The following ADGRL2 variants were observed in gnomAD, a reference collection of about 807,000 sequenced individuals.
ADGRL2 encodes the protein calcium-independent alpha-latrotoxin receptor 2.
A neutral mutation model predicts 157.4 loss-of-function variants in ADGRL2; 44 were observed. The observed-to-expected ratio is 0.28, with a 90% CI of 0.22 to 0.36. The LOEUF is 0.36. ADGRL2 is among the 10% of genes least tolerant of loss of function. The pLI, the probability that ADGRL2 is intolerant of heterozygous loss-of-function variation, is 1.00. For missense variants in ADGRL2, 1,510 were observed against 1,768.9 expected (o/e 0.85, Z 2.63); for synonymous variants, 585 against 624.7 (o/e 0.94, Z 0.95).
At chr1:81,722,832 T>C (rs1232494317) in intron 1 of ADGRL2, 13 of 706,462 alleles carry the variant, frequency 1.8e-5, no homozygotes, top group Non-Finnish European at 3.3e-5. Flanking sequence ...CTTTTCCAGG[T>C]GGCTTTCCTG....
intron 2 of ADGRL2, among the ~76,000 whole-genome samples, chr1:81,488,515 A>C (rs1456896093): frequency 6.9e-6 from 1 of 145,146 alleles, no homozygotes; most frequent in East Asian, 2.0e-4. Flanking sequence ...AGCCTGTGCA[A>C]CATGGCAAAA....
intron 2 of ADGRL2, among the ~76,000 whole-genome samples, chr1:81,778,253 C>T (rs1004855157): frequency 8.0e-5 from 12 of 150,432 alleles, no homozygotes; most frequent in Non-Finnish European, 1.6e-4. Context: ...ACTCGGGAGG[C>T]GGAGCTTGCA....
intron 1 of ADGRL2, among the ~76,000 whole-genome samples, chr1:81,401,733 T>C (rs2076759512): frequency 6.6e-6 from 1 of 152,134 alleles, no homozygotes; most frequent in African/African-American, 2.4e-5. Context: ...CTGAAGTCAC[T>C]AAGCAGCATC....
chr1:81,408,314 C>T (rs1476405392), intron 1 of ADGRL2, among the ~76,000 whole-genome samples: 1 of 122,812 alleles, frequency 8.1e-6, no homozygotes, highest in Non-Finnish European at 1.7e-5. Context: ...ACACAGAATG[C>T]TCATTTTTTT....
chr1:81,411,804 C>T (rs1490048385), intron 1 of ADGRL2, among the ~76,000 whole-genome samples: 1 of 150,890 alleles, frequency 6.6e-6, no homozygotes, highest in Non-Finnish European at 1.5e-5. Context: ...GGCGTGAACC[C>T]GGGAGGAGGA....
intron 2 of ADGRL2, among the ~76,000 whole-genome samples, chr1:81,448,244 A>C (rs1485853787): frequency 2.1e-5 from 3 of 143,436 alleles, no homozygotes; most frequent in African/African-American, 5.2e-5. Flanking sequence ...TCCCAGGTTC[A>C]AGCGATTTCT....
chr1:81,369,913 A>C (rs2076133293), intron 1 of ADGRL2, among the ~76,000 whole-genome samples: 3 of 152,178 alleles, frequency 2.0e-5, no homozygotes, highest in African/African-American at 7.2e-5. Flanking sequence ...TGCAAACTGG[A>C]TAGCAGCTTG....
chr1:81,936,164 C>T (rs1369531370), intron 3 of ADGRL2, among the ~76,000 whole-genome samples: 1 of 151,848 alleles, frequency 6.6e-6, no homozygotes, highest in Non-Finnish European at 1.5e-5. Flanking sequence ...GTGAGCTCTA[C>T]TAGCTTAGTT....
At position 81,950,375 on chromosome 1, in the gene ADGRL2, T is replaced by C. The variant is rs751626246; in HGVS notation, c.1397T>C (p.Phe466Ser). The part of the protein sequence containing the change: ...TTKIPPITNI[F>S]PLPERFCEAL... Reference sequence around the variant, plus strand: ...AAAATTCCACCTATAACAAATATTTTTCCCCTGCCAGAGAGATTCTGTGAA... The same window carrying C: ...AAAATTCCACCTATAACAAATATTTCTCCCCTGCCAGAGAGATTCTGTGAA... Residue 466 changes from phenylalanine (F) to serine (S), a missense_variant, in exon 7 of 24, where the codon TTT becomes TCT. Physicochemically the swap from Phe to Ser is radical, Grantham distance 155. This residue lies in a region of ADGRL2 where 325 missense variants were observed against 333.2 expected (regional missense o/e 0.98). Coordinates refer to ENST00000686636, the MANE Select transcript of ADGRL2 (RefSeq NM_001366006.2). 2.7e-5 allele frequency: 43 copies of C among 1,613,780 alleles called. No individual in the cohort carries two copies. The highest frequency in any genetic ancestry group is 1.9e-4 in the South Asian group (17 of 91,076).
At chr1:81,437,135 G>A (rs1488643860) in intron 1 of ADGRL2, among the ~76,000 whole-genome samples, 1 of 152,168 alleles carries the variant, frequency 6.6e-6, no homozygotes, top group African/African-American at 2.4e-5. Flanking sequence ...TCACTATCCA[G>A]TCTATTATTT....
chr1:81,333,528 A>G (rs946802581), intron 1 of ADGRL2, among the ~76,000 whole-genome samples: 1 of 151,796 alleles, frequency 6.6e-6, no homozygotes, highest in African/African-American at 2.4e-5. Context: ...TGATTCTCCT[A>G]CCTCAGCCTC....
intron 2 of ADGRL2, among the ~76,000 whole-genome samples, chr1:81,794,456 G>A (rs2149430446): frequency 6.6e-6 from 1 of 152,198 alleles, no homozygotes; most frequent in Admixed American, 6.5e-5. Flanking sequence ...TATTATCCAG[G>A]TGATGGTTTA....
chr1:81,384,243 T>C (rs1393482415), intron 1 of ADGRL2, among the ~76,000 whole-genome samples: 6 of 152,186 alleles, frequency 3.9e-5, no homozygotes, highest in Admixed American at 2.6e-4. Flanking sequence ...CCCTTAAAAA[T>C]GAGAGAAGTC....
chr1:81,553,202 A>T (rs2148399106), intron 2 of ADGRL2, among the ~76,000 whole-genome samples: 1 of 152,324 alleles, frequency 6.6e-6, no homozygotes, highest in African/African-American at 2.4e-5. Flanking sequence ...ATTGATAAAA[A>T]ATTAAATATC....
upstream of ADGRL2, among the ~76,000 whole-genome samples, chr1:81,796,849 T>A (rs1055782062): frequency 2.6e-5 from 4 of 152,226 alleles, no homozygotes; most frequent in African/African-American, 9.6e-5. Flanking sequence ...GGAGACTGCA[T>A]CTCTACATTT....
chr1:81,326,182 G>C (rs915167843), intron 1 of ADGRL2, among the ~76,000 whole-genome samples: 1 of 152,190 alleles, frequency 6.6e-6, no homozygotes, highest in Non-Finnish European at 1.5e-5. Flanking sequence ...ATCTGAGCCA[G>C]AGATTTGAGG....
chr1:81,528,477 C>T (rs1341573567), intron 2 of ADGRL2, among the ~76,000 whole-genome samples: 3 of 152,114 alleles, frequency 2.0e-5, no homozygotes, highest in African/African-American at 7.2e-5. Context: ...GAAACCCCGT[C>T]TCTACCAAAA....
chr1:81,440,655 C>G (rs1372968123), intron 1 of ADGRL2, among the ~76,000 whole-genome samples: 1 of 152,182 alleles, frequency 6.6e-6, no homozygotes, highest in East Asian at 1.9e-4. Context: ...CTTGACACAT[C>G]AAACACAATG....
intron 3 of ADGRL2, among the ~76,000 whole-genome samples, chr1:81,649,569 T>C (rs1288538834): frequency 2.0e-5 from 3 of 152,182 alleles, no homozygotes; most frequent in Non-Finnish European, 4.4e-5. Context: ...CTTGTTTCTT[T>C]TACTCCACCT....
Sources: allele counts gnomAD v4.1 joint callset (sites outside exome capture counted in the v4.1 genomes callset), GRCh38; gene constraint gnomAD v4.1.1; regional missense constraint gnomAD v4.1.1; transcripts MANE v1.5; gene names NCBI Gene and HGNC (gene_info 2026-07-23, HGNC 2026-07-21).